Variants in CACNA2D3 observed in about 807,000 individuals in gnomAD.
The protein encoded by CACNA2D3 is calcium voltage-gated channel auxiliary subunit alpha2delta 3.
In CACNA2D3, 60 loss-of-function variants were observed where a neutral mutation model predicts 160.6. That is an observed-to-expected ratio of 0.37 (90% CI 0.30 to 0.46). The LOEUF (loss-of-function observed/expected upper bound fraction) is 0.46. Ranked by LOEUF, CACNA2D3 falls within the 20% of genes least tolerant of loss-of-function variation. The probability of loss-of-function intolerance (pLI) is 1.00; values close to 1 mark genes in which losing one functional copy is unlikely to be tolerated. For missense variants in CACNA2D3, 1,205 were observed against 1,365.0 expected, an observed-to-expected ratio of 0.88 and a Z score of 1.85; for synonymous variants, 558 against 492.9, an observed-to-expected ratio of 1.13 and a Z score of -1.75.
At chr3:54,832,027 A>G (rs1256754624) in intron 14 of CACNA2D3, among the ~76,000 whole-genome samples, 1 of 147,836 alleles carries the variant, frequency 6.8e-6, no homozygotes, top group African/African-American at 2.5e-5. Context: ...ACACACACAC[A>G]CACACACACA....
chr3:54,419,319 G>A (rs1699802855), intron 4 of CACNA2D3, among the ~76,000 whole-genome samples: 1 of 152,214 alleles, frequency 6.6e-6, no homozygotes. Flanking sequence ...TTACTAGTCA[G>A]AGAGAACAAA....
intron 13 of CACNA2D3, among the ~76,000 whole-genome samples, chr3:54,801,169 T>A (rs567344143): frequency 6.6e-6 from 1 of 152,028 alleles, no homozygotes; most frequent in East Asian, 1.9e-4. Flanking sequence ...GTATTTTTTA[T>A]TAGAGATGGG....
At chr3:54,664,211 CA>C (rs1953080778) in intron 11 of CACNA2D3, among the ~76,000 whole-genome samples, 1 of 152,190 alleles carries the variant, frequency 6.6e-6, no homozygotes, top group South Asian at 2.1e-4. Flanking sequence ...GTAAAGGGAC[CA>C]GTGAGCATAA....
chr3:54,924,854 C>T lies in CACNA2D3; in HGVS notation c.2449+24986C>T, dbSNP rs766117773. 9.3e-6 allele frequency: 15 copies of T among 1,613,860 alleles called. No homozygotes were observed. In the Middle Eastern group the frequency reaches 5.0e-4, roughly 53 times the overall value. ...TTGATGACAAATCAAGCTCCCTCAG[C>T]TGAGGGAGGGAATGGAAAAGTCTGC... On this transcript the variant is annotated intron_variant, in intron 27 of 37. Transcript: ENST00000474759.
chr3:54,697,644 G>A (rs1415593472), intron 11 of CACNA2D3, among the ~76,000 whole-genome samples: 1 of 152,160 alleles, frequency 6.6e-6, no homozygotes, highest in Non-Finnish European at 1.5e-5. Context: ...AAGGAATGGA[G>A]CCATGTGCAC....
rs376446503 is a variant in CACNA2D3, at chr3:54,545,075, C to T, written c.545-17725C>T. Among the ~76,000 whole-genome samples the T allele has an allele frequency of 4.6e-5, 7 of 152,298 alleles. No homozygotes were observed. In the East Asian group the frequency reaches 1.4e-3, roughly 29 times the overall value. On this transcript the variant is annotated intron_variant, in intron 5 of 37. Coordinates refer to ENST00000474759, the MANE Select transcript of CACNA2D3 (RefSeq NM_018398.3). Reference sequence around the variant, plus strand: ...TTACCAAGGTGTGATGTGCTGTGTACTTCTGGCCATTTAAAATATGTTCCA... The same window carrying T: ...TTACCAAGGTGTGATGTGCTGTGTATTTCTGGCCATTTAAAATATGTTCCA...
chr3:54,361,052 T>A (rs552229229), intron 3 of CACNA2D3, among the ~76,000 whole-genome samples: 1 of 152,220 alleles, frequency 6.6e-6, no homozygotes, highest in Admixed American at 6.5e-5. Flanking sequence ...GTAGCAAGTG[T>A]TAAAAAATTC....
intron 25 of CACNA2D3, among the ~76,000 whole-genome samples, chr3:54,895,303 G>C (rs1270288721): frequency 6.6e-6 from 1 of 152,190 alleles, no homozygotes; most frequent in Non-Finnish European, 1.5e-5. Context: ...CCAAGCGCCT[G>C]CTGAGAGCCA....
chr3:54,550,888 C>T (rs1702145307), intron 5 of CACNA2D3, among the ~76,000 whole-genome samples: 1 of 152,318 alleles, frequency 6.6e-6, no homozygotes, highest in Non-Finnish European at 1.5e-5. Context: ...TGTTTGCAAG[C>T]ACATCCTCTC....
In CACNA2D3 at chr3:54,318,570, T is replaced by C. The variant is rs147963776; in HGVS notation, c.205-1872T>C. 1.0e-3 allele frequency among the ~76,000 whole-genome samples: 152 copies of C among 152,200 alleles called. 1 individual carries two copies. The highest frequency in any genetic ancestry group is 3.4e-3 in the African/African-American group (141 of 41,518). The stretch of plus-strand genomic sequence containing the variant: ...AAACTCCAAGCTCTTGGGTCTAATA[T>C]TCAGGTCAGAGGAAGAGATCCATTT... On this transcript the variant is annotated intron_variant, in intron 2 of 37. Transcript: ENST00000474759.
intron 11 of CACNA2D3, among the ~76,000 whole-genome samples, chr3:54,722,423 C>A (rs539828154): frequency 9.2e-5 from 14 of 152,140 alleles, no homozygotes; most frequent in African/African-American, 3.4e-4. Context: ...ATTTGTCAAA[C>A]CTATTCTCTG....
intron 4 of CACNA2D3, among the ~76,000 whole-genome samples, chr3:54,434,821 A>G (rs994696654): frequency 3.9e-5 from 6 of 152,164 alleles, no homozygotes; most frequent in Non-Finnish European, 7.3e-5. Flanking sequence ...AGTTTAAGCT[A>G]TTCTAGTAAG....
chr3:54,881,647 G>A (rs1559615344), intron 21 of CACNA2D3, among the ~76,000 whole-genome samples: 1 of 152,212 alleles, frequency 6.6e-6, no homozygotes, highest in African/African-American at 2.4e-5. Context: ...GGCCTTGAGT[G>A]ACTCACTTGC....
At chr3:54,940,279 A>G (rs549464139) in intron 27 of CACNA2D3, among the ~76,000 whole-genome samples, 6 of 152,230 alleles carry the variant, frequency 3.9e-5, no homozygotes, top group Admixed American at 6.5e-5. Flanking sequence ...TGAGAAAGGA[A>G]GATTTTTGAG....
intron 11 of CACNA2D3, among the ~76,000 whole-genome samples, chr3:54,662,136 T>A (rs763900251): frequency 3.3e-5 from 5 of 152,018 alleles, no homozygotes; most frequent in Non-Finnish European, 4.4e-5. Flanking sequence ...TAGCACATAG[T>A]AGCTGCCTGA....
At chr3:54,840,738 T>C (rs1698801269) in intron 16 of CACNA2D3, among the ~76,000 whole-genome samples, 1 of 142,302 alleles carries the variant, frequency 7.0e-6, no homozygotes, top group Non-Finnish European at 1.5e-5. Context: ...TTTTTTTTTT[T>C]TGAGACGGAG....
chr3:54,884,160 T>G (rs2106849910), intron 21 of CACNA2D3, among the ~76,000 whole-genome samples: 1 of 152,266 alleles, frequency 6.6e-6, no homozygotes. Flanking sequence ...GAAGAAAGGC[T>G]GCACAGATAG....
At chr3:54,777,445 G>A (rs772048789) in intron 13 of CACNA2D3, among the ~76,000 whole-genome samples, 6 of 152,158 alleles carry the variant, frequency 3.9e-5, no homozygotes, top group South Asian at 2.1e-4. Context: ...AAGGTCCTTA[G>A]GAGAAATTTC....
At chr3:54,465,054 C>T (rs894184393) in intron 4 of CACNA2D3, among the ~76,000 whole-genome samples, 1 of 151,698 alleles carries the variant, frequency 6.6e-6, no homozygotes, top group African/African-American at 2.4e-5. Flanking sequence ...CTTTTCTTCT[C>T]CTTTTTTTTT....
Sources: gnomAD v4.1 joint callset for allele counts (sites outside exome capture counted in the v4.1 genomes callset) on GRCh38, gnomAD v4.1.1 for gene constraint, MANE v1.5 for transcripts, NCBI Gene and HGNC (gene_info 2026-07-23, HGNC 2026-07-21) for gene names.